Variants in PDE6D observed in about 807,000 individuals in gnomAD.
PDE6D encodes phosphodiesterase 6D.
Under a neutral mutation model 21.9 loss-of-function variants are expected in PDE6D, and 10 were observed. That is an observed-to-expected ratio of 0.46 (90% CI 0.28 to 0.78). The LOEUF (loss-of-function observed/expected upper bound fraction) is 0.78. Ranked by LOEUF, PDE6D falls within the 30% of genes least tolerant of loss-of-function variation. The pLI is 0.12. For synonymous variants in PDE6D, 59 were observed against 63.5 expected (o/e 0.93, Z 0.34); for missense variants, 139 against 184.8 (o/e 0.75, Z 1.44).
At position 231,742,130 on chromosome 2, in the gene PDE6D, G is replaced by T. The variant is rs1223599155; in HGVS notation, c.51-2942C>A. Among the ~76,000 whole-genome samples the T allele has an allele frequency of 6.8e-5, 10 of 147,894 alleles. No homozygotes were observed. The East Asian group carries it at 9.9e-4, about 15-fold the overall frequency. On this transcript the variant is annotated intron_variant, in intron 1 of 4. Coordinates refer to ENST00000287600, the MANE Select transcript of PDE6D (RefSeq NM_002601.4). Reference sequence around the variant, plus strand: ...AGAAACTAGATAGACTGTGTTTTTTGTTTTTTTTTTGAGATGGTTTCGCTC... The same window carrying T: ...AGAAACTAGATAGACTGTGTTTTTTTTTTTTTTTTTGAGATGGTTTCGCTC...
intron 1 of PDE6D, among the ~76,000 whole-genome samples, chr2:231,745,066 T>C (rs2048782843): frequency 1.3e-5 from 2 of 152,062 alleles, no homozygotes; most frequent in African/African-American, 2.4e-5. Flanking sequence ...ATGCAGCAAT[T>C]TGGGAACATC....
chr2:231,755,249 C>A (rs57054209), intron 1 of PDE6D, among the ~76,000 whole-genome samples: 2 of 139,986 alleles, frequency 1.4e-5, no homozygotes, highest in Non-Finnish European at 3.3e-5. Flanking sequence ...TACAGCAGCC[C>A]GAAATGACAG....
intron 1 of PDE6D, among the ~76,000 whole-genome samples, chr2:231,764,503 C>T (rs2048954972): frequency 6.6e-6 from 1 of 152,150 alleles, no homozygotes; most frequent in Non-Finnish European, 1.5e-5. Flanking sequence ...AAAAGGACAA[C>T]AGAGAAGGGT....
In PDE6D at chr2:231,740,956, T is replaced by C. The variant is rs184257436; in HGVS notation, c.51-1768A>G. ...GAGTTCGAGACCAGCCTGACCAACA[T>C]GGAGAAACCCCATCTCTACCGAAAA... is the stretch of plus-strand genomic sequence containing the variant. On this transcript the variant is annotated intron_variant, in intron 1 of 4. Coordinates refer to ENST00000287600, the MANE Select transcript of PDE6D (RefSeq NM_002601.4). 4.5e-3 allele frequency among the ~76,000 whole-genome samples: 682 copies of C among 151,400 alleles called. 5 individuals are homozygous for C. The highest frequency in any genetic ancestry group is 0.015 in the African/African-American group (602 of 41,332).
intron 1 of PDE6D, among the ~76,000 whole-genome samples, chr2:231,749,504 T>C (rs996751087): frequency 5.0e-5 from 4 of 79,488 alleles, no homozygotes; most frequent in African/African-American, 1.6e-4. Context: ...AGATGAGACT[T>C]TTTTTTTTTT....
intron 1 of PDE6D, among the ~76,000 whole-genome samples, chr2:231,758,513 C>T (rs1244318504): frequency 1.3e-5 from 2 of 152,160 alleles, no homozygotes; most frequent in Admixed American, 6.5e-5. Flanking sequence ...TGCTTCTCAG[C>T]CTTGGCTGCC....
At chr2:231,761,978 AG>A (rs1343898374) in intron 1 of PDE6D, among the ~76,000 whole-genome samples, 2 of 152,190 alleles carry the variant, frequency 1.3e-5, no homozygotes, top group Non-Finnish European at 2.9e-5. Flanking sequence ...GGGCTAGAAG[AG>A]CTGAGGGAAC....
At chr2:231,748,728 C>T (rs1403214475) in intron 1 of PDE6D, among the ~76,000 whole-genome samples, 1 of 152,164 alleles carries the variant, frequency 6.6e-6, no homozygotes, top group Non-Finnish European at 1.5e-5. Flanking sequence ...GCCCAGGTTC[C>T]CCATGCTGTG....
chr2:231,761,574 T>G (rs2048927277), intron 1 of PDE6D, among the ~76,000 whole-genome samples: 1 of 152,194 alleles, frequency 6.6e-6, no homozygotes, highest in Non-Finnish European at 1.5e-5. Context: ...CTAACAGTCT[T>G]GTTTAACTTA....
chr2:231,742,361 G>A (rs1431062438), intron 1 of PDE6D, among the ~76,000 whole-genome samples: 4 of 152,180 alleles, frequency 2.6e-5, no homozygotes, highest in African/African-American at 4.8e-5. Context: ...GACCTCAGGT[G>A]ATCCGCTTGC....
At chr2:231,765,141 T>C (rs1467321115) in intron 1 of PDE6D, among the ~76,000 whole-genome samples, 1 of 150,030 alleles carries the variant, frequency 6.7e-6, no homozygotes, top group African/African-American at 2.5e-5. Flanking sequence ...CATACAGTGG[T>C]GCGTGCCTAT....
At chr2:231,761,260 C>T (rs1054961964) in intron 1 of PDE6D, among the ~76,000 whole-genome samples, 11 of 152,116 alleles carry the variant, frequency 7.2e-5, no homozygotes, top group Non-Finnish European at 1.5e-4. Flanking sequence ...CTGCAAGCTC[C>T]GCTTCCCAGG....
chr2:231,765,815 C>T (rs2106282088), intron 1 of PDE6D, among the ~76,000 whole-genome samples: 1 of 152,274 alleles, frequency 6.6e-6, no homozygotes, highest in Middle Eastern at 3.4e-3. Context: ...TTCCTGTTCT[C>T]TATCTTTTCA....
chr2:231,746,519 C>G (rs2048795329), intron 1 of PDE6D, among the ~76,000 whole-genome samples: 1 of 152,108 alleles, frequency 6.6e-6, no homozygotes, highest in African/African-American at 2.4e-5. Flanking sequence ...ATTGGACACT[C>G]CTGTTAAAGT....
intron 1 of PDE6D, among the ~76,000 whole-genome samples, chr2:231,762,339 C>CTTTTTTTTTTTTTTTTTTTTTTTTTTTTT (rs3074725): frequency 1.2e-5 from 1 of 83,460 alleles, no homozygotes; most frequent in Non-Finnish European, 2.1e-5. Flanking sequence ...AGGACTAACG[C>CTTTTTTTTTTTTTTTTTTTTTTTTTTTTT]TTTTTTTTTT....
chr2:231,760,210 A>G (rs1024834144), intron 1 of PDE6D, among the ~76,000 whole-genome samples: 3 of 152,202 alleles, frequency 2.0e-5, no homozygotes, highest in Non-Finnish European at 4.4e-5. Flanking sequence ...TTACCAAGAT[A>G]TGGAAAGAAT....
chr2:231,745,763 T>G (rs2048789222), intron 1 of PDE6D, among the ~76,000 whole-genome samples: 1 of 152,204 alleles, frequency 6.6e-6, no homozygotes, highest in African/African-American at 2.4e-5. Flanking sequence ...GGGTGACACT[T>G]GGCTCAACAC....
intron 1 of PDE6D, among the ~76,000 whole-genome samples, chr2:231,778,366 T>C (rs1305784387): frequency 6.6e-6 from 1 of 152,040 alleles, no homozygotes; most frequent in Non-Finnish European, 1.5e-5. Flanking sequence ...AAATACATAA[T>C]AGGCAAAGGA....
Position 231,739,328 on chromosome 2 carries a change from T to A in PDE6D, c.51-140A>T. 1.3e-6 allele frequency: 1 copy of A among 752,416 alleles called. No homozygotes were observed. The highest frequency in any genetic ancestry group is 1.4e-5 in the South Asian group (1 of 73,662). 46.6% of individuals were successfully genotyped at this position (752,416 alleles called of 1,614,324 possible). A position where few individuals can be genotyped will look rare whatever the true frequency, so the allele number is the denominator to read the frequency against. ...AACTGCTCATTGCCATGGAAGCACA[T>A]AAGAATGTGAGGAGAGTCAAAAAGA... On this transcript the variant is annotated intron_variant, in intron 1 of 4. Transcript: ENST00000287600. This position sits in a 1 kb window ranked among gnomAD's most constrained non-coding sequence, Gnocchi z 4.2.
Sources: gnomAD v4.1 joint callset for allele counts (sites outside exome capture counted in the v4.1 genomes callset) on GRCh38, gnomAD v4.1.1 for gene constraint, Gnocchi (gnomAD v3.1) non-coding constraint, MANE v1.5 for transcripts, NCBI Gene and HGNC (gene_info 2026-07-23, HGNC 2026-07-21) for gene names.